Variants in VGLL4 observed in about 807,000 individuals in gnomAD.
VGLL4 encodes vestigial like family member 4, also known as transcription cofactor vestigial-like protein 4.
A neutral mutation model predicts 21.0 loss-of-function variants in VGLL4; 7 were observed. That is an observed-to-expected ratio of 0.33 (90% CI 0.19 to 0.63). The LOEUF is 0.63. Ranked by LOEUF, VGLL4 falls within the 20% of genes least tolerant of loss-of-function variation. VGLL4 has a pLI of 0.78. For missense variants in VGLL4, 394 were observed against 425.7 expected (o/e 0.93, Z 0.66); for synonymous variants, 222 against 173.2 (o/e 1.28, Z -2.21).
In VGLL4 at chr3:11,654,586, G is replaced by A. The variant is rs142862715; in HGVS notation, c.64+48385C>T. 7.9e-5 allele frequency among the ~76,000 whole-genome samples: 12 copies of A among 152,332 alleles called. No individual in the cohort carries two copies. The East Asian group carries it at 2.1e-3, about 27-fold the overall frequency. Reference sequence around the variant, plus strand: ...AAGGCAGGCAAATAAAACGAGGTATGAGAAAAAGATCATTTGCAATGTTAA... The same window carrying A: ...AAGGCAGGCAAATAAAACGAGGTATAAGAAAAAGATCATTTGCAATGTTAA... On this transcript the variant is annotated intron_variant, in intron 2 of 5. Coordinates refer to the VGLL4 transcript ENST00000273038.
At chr3:11,559,918 A>G (rs1575346134) in intron 3 of VGLL4, among the ~76,000 whole-genome samples, 2 of 152,290 alleles carry the variant, frequency 1.3e-5, no homozygotes, top group South Asian at 2.1e-4. Flanking sequence ...TGCTTGAGCC[A>G]AAGCCAGCTC....
intron 2 of VGLL4, among the ~76,000 whole-genome samples, chr3:11,656,771 C>G (rs1328181620): frequency 6.6e-6 from 1 of 152,178 alleles, no homozygotes; most frequent in East Asian, 1.9e-4. Context: ...TGAGAAAGAA[C>G]TAGGTTTCTA....
chr3:11,698,166 A>G (rs2076630475), intron 2 of VGLL4, among the ~76,000 whole-genome samples: 1 of 152,214 alleles, frequency 6.6e-6, no homozygotes, highest in Non-Finnish European at 1.5e-5. Context: ...ATTAGCACCA[A>G]GCACCTTGCC....
rs1010299231 is a variant in VGLL4 at position 11,563,393 on chromosome 3, G to A, written c.495+1404C>T. Among the ~76,000 whole-genome samples, 18 of 152,316 alleles carry A rather than the reference G, an allele frequency of 1.2e-4. No homozygotes were observed. The East Asian group carries it at 1.7e-3, about 15-fold the overall frequency. On this transcript the variant is annotated intron_variant, in intron 3 of 4. Coordinates refer to ENST00000430365, the MANE Select transcript of VGLL4 (RefSeq NM_001128219.3). ...AGCAGAAAGGTCCACTGCCCACCCC[G>A]GGGAGCAGTGAGCGGGTCCCTGTGG...
chr3:11,708,925 G>A (rs1309936971), intron 1 of VGLL4, among the ~76,000 whole-genome samples: 3 of 152,126 alleles, frequency 2.0e-5, no homozygotes, highest in Non-Finnish European at 4.4e-5. Context: ...AGCCAGGCAT[G>A]GTGGTGATGG....
In VGLL4 at chr3:11,632,318, T is replaced by TA. The variant is rs5846713; in HGVS notation, c.82+11118dup. On this transcript the variant is annotated intron_variant, in intron 1 of 4. Coordinates refer to ENST00000430365, the MANE Select transcript of VGLL4 (RefSeq NM_001128219.3). ...ACAGAGCAACACTCTGTCTCAAAAA[T>TA]AAAAAAAAAATAAAATAAAATTCAC... is the stretch of plus-strand genomic sequence containing the variant. 9.2e-5 allele frequency among the ~76,000 whole-genome samples: 14 copies of TA among 151,486 alleles called. No individual in the cohort carries two copies. The South Asian group carries it at 1.1e-3, about 11-fold the overall frequency.
intron 2 of VGLL4, among the ~76,000 whole-genome samples, chr3:11,658,759 A>C (rs1442345818): frequency 6.6e-6 from 1 of 152,152 alleles, no homozygotes. Flanking sequence ...AAAATAGTCC[A>C]AATAATTTGT....
intron 2 of VGLL4, among the ~76,000 whole-genome samples, chr3:11,659,741 A>G (rs1355151224): frequency 6.6e-6 from 1 of 152,254 alleles, no homozygotes; most frequent in Non-Finnish European, 1.5e-5. Flanking sequence ...GCGGCATTCT[A>G]AACACAGTAC....
At chr3:11,614,129 G>C (rs1487298936) in intron 1 of VGLL4, among the ~76,000 whole-genome samples, 1 of 152,204 alleles carries the variant, frequency 6.6e-6, no homozygotes. Flanking sequence ...GGACTTACAG[G>C]CTTTCTTCCA....
intron 1 of VGLL4, among the ~76,000 whole-genome samples, chr3:11,708,860 G>C (rs1261424528): frequency 6.6e-6 from 1 of 151,996 alleles, no homozygotes; most frequent in African/African-American, 2.4e-5. Flanking sequence ...GTGGGGGTTC[G>C]AGACTAGCCT....
At chr3:11,609,489 C>T (rs551888385) in intron 1 of VGLL4, among the ~76,000 whole-genome samples, 1 of 152,278 alleles carries the variant, frequency 6.6e-6, no homozygotes, top group Non-Finnish European at 1.5e-5. Flanking sequence ...TTCATTTATT[C>T]GAATACTACA....
intron 1 of VGLL4, among the ~76,000 whole-genome samples, chr3:11,705,399 G>C (rs1326380535): frequency 6.6e-6 from 1 of 152,200 alleles, no homozygotes; most frequent in Non-Finnish European, 1.5e-5. Flanking sequence ...GGCCACGGAA[G>C]ACTAAGAGTG....
At chr3:11,645,390 A>G (rs1428785021), upstream of VGLL4, among the ~76,000 whole-genome samples, 2 of 150,174 alleles carry the variant, frequency 1.3e-5, no homozygotes, top group African/African-American at 4.9e-5. Flanking sequence ...GGAGATCGAG[A>G]CCATCCTGGC....
At chr3:11,579,590 G>A (rs1047905495) in intron 2 of VGLL4, among the ~76,000 whole-genome samples, 6 of 152,132 alleles carry the variant, frequency 3.9e-5, no homozygotes, top group Non-Finnish European at 8.8e-5. Flanking sequence ...AGACTGAAAA[G>A]AACGTGGGGG....
At chr3:11,617,772 T>C (rs911425431) in intron 1 of VGLL4, among the ~76,000 whole-genome samples, 2 of 152,224 alleles carry the variant, frequency 1.3e-5, no homozygotes, top group African/African-American at 4.8e-5. Flanking sequence ...TATCAATATG[T>C]AACAAGGAAG....
chr3:11,718,134 G>T (rs1055168064), intron 1 of VGLL4, among the ~76,000 whole-genome samples: 8 of 152,158 alleles, frequency 5.3e-5, no homozygotes, highest in African/African-American at 1.9e-4. Flanking sequence ...AGGCTGCCCA[G>T]AAGTGTGAAA....
intron 2 of VGLL4, among the ~76,000 whole-genome samples, chr3:11,686,966 T>C (rs2076458118): frequency 6.6e-6 from 1 of 152,318 alleles, no homozygotes. Flanking sequence ...AATTTGTTTA[T>C]ATACATACAT....
intron 1 of VGLL4, chr3:11,611,863 A>G (rs2075068992): frequency 6.6e-6 from 1 of 151,652 alleles, no homozygotes; most frequent in African/African-American, 2.4e-5. Context: ...TGCCTGTAAG[A>G]GAGGAGGACT....
chr3:11,593,120 C>G (rs1239949505), intron 2 of VGLL4, among the ~76,000 whole-genome samples: 1 of 152,204 alleles, frequency 6.6e-6, no homozygotes, highest in Non-Finnish European at 1.5e-5. Flanking sequence ...TTTCCATTTC[C>G]TCTGGGTTCA....
Sources: allele counts gnomAD v4.1 joint callset (sites outside exome capture counted in the v4.1 genomes callset), GRCh38; gene constraint gnomAD v4.1.1; transcripts MANE v1.5; gene names NCBI Gene and HGNC (gene_info 2026-07-23, HGNC 2026-07-21).